ANO4: variants seen among roughly 807,000 people sequenced by gnomAD.
ANO4 encodes anoctamin 4, also known as anoctamin-4.
ANO4 carries 69 observed loss-of-function variants against 141.9 expected under a neutral mutation model. That is an observed-to-expected ratio of 0.49 (90% CI 0.40 to 0.59). The LOEUF (loss-of-function observed/expected upper bound fraction) is 0.59. Ranked by LOEUF, ANO4 falls within the 20% of genes least tolerant of loss-of-function variation. ANO4 has a pLI of 0.00. For synonymous variants in ANO4, 350 were observed against 394.3 expected (o/e 0.89, Z 1.33); for missense variants, 894 against 1,162.2 (o/e 0.77, Z 3.36).
chr12:100,819,856 CCTT>C (rs996536552), intron 1 of ANO4, among the ~76,000 whole-genome samples: 2 of 151,816 alleles, frequency 1.3e-5, no homozygotes, highest in African/African-American at 2.4e-5. Context: ...CCCTATTTCT[CCTT>C]CTCTGTTTTG....
chr12:100,930,425 T>G (rs2136133883), intron 3 of ANO4, among the ~76,000 whole-genome samples: 1 of 152,266 alleles, frequency 6.6e-6, no homozygotes, highest in South Asian at 2.1e-4. Context: ...CCAGCATCAC[T>G]TATTGAAGAG....
In ANO4 at chr12:100,905,580, G is replaced by T. The variant is rs776618648; in HGVS notation, c.55+3740G>T. Among the ~76,000 whole-genome samples the T allele has an allele frequency of 1.6e-4, 25 of 152,208 alleles. 1 individual carries two copies. The highest frequency in any genetic ancestry group is 2.9e-4 in the Non-Finnish European group (20 of 68,040). ...TGATAAGAGCCGTTTTAGTGGAGTGGTGGGGATGAAACCCTGATTGAAGTG... is the reference window on the plus strand; with the variant it reads ...TGATAAGAGCCGTTTTAGTGGAGTGTTGGGGATGAAACCCTGATTGAAGTG... On this transcript the variant is annotated intron_variant, in intron 2 of 27. Coordinates refer to ENST00000392977, the MANE Select transcript of ANO4 (RefSeq NM_001286615.2).
chr12:100,824,194 G>A (rs559638662), intron 1 of ANO4, among the ~76,000 whole-genome samples: 1 of 152,118 alleles, frequency 6.6e-6, no homozygotes, highest in East Asian at 1.9e-4. Context: ...GAAGCAGGAA[G>A]ATCTGGTGCT....
chr12:100,742,463 G>A (rs549922572), intron 3 of ANO4, among the ~76,000 whole-genome samples: 63 of 152,054 alleles, frequency 4.1e-4, no homozygotes, highest in Admixed American at 1.2e-3. Flanking sequence ...AAACTCTGAG[G>A]TGAGATAAGT....
rs1023131559 is a variant in ANO4, at chr12:100,942,436, T to A, written c.357T>A (p.Ile119=). 1.2e-6 allele frequency: 2 copies of A among 1,614,078 alleles called. No homozygotes were observed. Among genetic ancestry groups the A allele is most frequent in the African/African-American group, 2.7e-5 (2 of 75,038 alleles). Reference sequence around the variant, plus strand: ...ACTTTCGAGATGGAAAGTGTCGAATTGACTACATCCTTGTGTACAGAAAAT... The same window carrying A: ...ACTTTCGAGATGGAAAGTGTCGAATAGACTACATCCTTGTGTACAGAAAAT... ...GLYFRDGKCR[I]DYILVYRKSN... The change falls in exon 5 of 28, where the codon ATT becomes ATA. Residue 119 remains isoleucine (I), a synonymous_variant. Coordinates refer to ENST00000392977, the MANE Select transcript of ANO4 (RefSeq NM_001286615.2).
intron 5 of ANO4, among the ~76,000 whole-genome samples, chr12:100,965,039 T>G (rs2043591411): frequency 6.6e-6 from 1 of 152,132 alleles, no homozygotes; most frequent in Non-Finnish European, 1.5e-5. Context: ...CAGTAAAGAT[T>G]TGCAGAATAG....
chr12:100,989,158 A>T (rs1288249603), intron 8 of ANO4, among the ~76,000 whole-genome samples: 1 of 152,208 alleles, frequency 6.6e-6, no homozygotes, highest in East Asian at 1.9e-4. Flanking sequence ...ACCCAGCTGC[A>T]GTATGTGAAC....
chr12:100,775,302 A>G (rs937486520), intron 3 of ANO4, among the ~76,000 whole-genome samples: 1 of 152,234 alleles, frequency 6.6e-6, no homozygotes, highest in African/African-American at 2.4e-5. Context: ...AAAATGACAT[A>G]TAGAGCATAG....
intron 1 of ANO4, chr12:100,852,291 A>C (rs1239543205): frequency 6.6e-6 from 1 of 152,224 alleles, no homozygotes; most frequent in Non-Finnish European, 1.5e-5. Context: ...GTAGCAGTTC[A>C]GTTGTGTTCA....
intron 3 of ANO4, among the ~76,000 whole-genome samples, chr12:100,773,595 CA>C (rs1222550727): frequency 6.6e-5 from 10 of 152,156 alleles, no homozygotes; most frequent in Non-Finnish European, 1.3e-4. Flanking sequence ...CAACATTTCT[CA>C]ATCTCTGGGA....
intron 1 of ANO4, among the ~76,000 whole-genome samples, chr12:100,891,034 A>G (rs912174893): frequency 2.0e-5 from 3 of 152,148 alleles, no homozygotes; most frequent in Non-Finnish European, 4.4e-5. Flanking sequence ...TGTAGTTGGA[A>G]CTATGTAATA....
intron 14 of ANO4, among the ~76,000 whole-genome samples, chr12:101,056,929 T>C (rs2048145718): frequency 6.6e-6 from 1 of 150,420 alleles, no homozygotes; most frequent in South Asian, 2.1e-4. Flanking sequence ...TAGGTATACA[T>C]GTGCCATCGT....
intron 5 of ANO4, among the ~76,000 whole-genome samples, chr12:100,948,935 A>G (rs1390312462): frequency 6.6e-6 from 1 of 152,132 alleles, no homozygotes; most frequent in Admixed American, 6.5e-5. Context: ...CGTCAGAGAG[A>G]CCCTCCTTGC....
chr12:100,998,349 C>T (rs2045481297), intron 8 of ANO4, among the ~76,000 whole-genome samples: 1 of 151,578 alleles, frequency 6.6e-6, no homozygotes, highest in South Asian at 2.1e-4. Flanking sequence ...ACCTTGTGAT[C>T]ATGTGAGTTA....
intron 3 of ANO4, among the ~76,000 whole-genome samples, chr12:100,765,385 T>TC (rs1332471253): frequency 2.0e-5 from 3 of 148,230 alleles, no homozygotes; most frequent in East Asian, 3.9e-4. Flanking sequence ...CTTTCTTTTT[T>TC]TTTTTTTTTT....
rs763116395 is a variant in ANO4, at chr12:101,040,042, G to A, written c.985G>A (p.Val329Met). The A allele has an allele frequency of 2.6e-5, 42 of 1,612,994 alleles. No individual in the cohort carries two copies. The highest frequency in any genetic ancestry group is 6.7e-5 in the African/African-American group (5 of 75,030). ...LLYECWASWG[V>M]WYKYQPLDLV... Reference sequence around the variant, plus strand: ...CTATGAGTGCTGGGCCTCCTGGGGCGTGTGGTATAAATACCAACCTTTGGA... The same window carrying A: ...CTATGAGTGCTGGGCCTCCTGGGGCATGTGGTATAAATACCAACCTTTGGA... Residue 329 changes from valine to methionine, a missense_variant, in exon 11 of 28, where the codon GTG becomes ATG. Coordinates refer to ENST00000392977, the MANE Select transcript of ANO4 (RefSeq NM_001286615.2).
intron 8 of ANO4, among the ~76,000 whole-genome samples, chr12:101,006,184 C>T (rs186730041): frequency 6.6e-6 from 1 of 152,278 alleles, no homozygotes; most frequent in Non-Finnish European, 1.5e-5. Context: ...ATGCAACATG[C>T]TCCCTCATGT....
intron 1 of ANO4, among the ~76,000 whole-genome samples, chr12:100,728,049 T>A (rs908536251): frequency 1.3e-5 from 2 of 151,782 alleles, no homozygotes; most frequent in Non-Finnish European, 2.9e-5. Flanking sequence ...TATTTTACTT[T>A]TATTCTTTTT....
chr12:100,816,917 A>C lies in ANO4; in HGVS notation c.-141+21890A>C, dbSNP rs1045577112. 2.6e-5 allele frequency among the ~76,000 whole-genome samples: 4 copies of C among 151,838 alleles called. 1 individual carries two copies. In the South Asian group the frequency reaches 8.3e-4, roughly 31 times the overall value. On this transcript the variant is annotated intron_variant, in intron 1 of 27. Coordinates refer to ENST00000392977, the MANE Select transcript of ANO4 (RefSeq NM_001286615.2). ...TATGTCCAGAGTTCTTAGCCCTCTA[A>C]ATTCAGTTGTTGTTGAGTAAATTTT...
Sources: gnomAD v4.1 joint callset for allele counts (sites outside exome capture counted in the v4.1 genomes callset) on GRCh38, gnomAD v4.1.1 for gene constraint, MANE v1.5 for transcripts, NCBI Gene and HGNC (gene_info 2026-07-23, HGNC 2026-07-21) for gene names.